The following STK39 variants were observed in gnomAD, a reference collection of about 807,000 sequenced individuals.
The protein encoded by STK39 is serine/threonine kinase 39.
A neutral mutation model predicts 77.8 loss-of-function variants in STK39; 20 were observed. The ratio of observed to expected loss-of-function variants is 0.26; its 90% CI spans 0.18 to 0.37. The LOEUF (loss-of-function observed/expected upper bound fraction) is 0.37. STK39 is among the 10% of genes least tolerant of loss of function. The probability of loss-of-function intolerance (pLI) is 1.00; values close to 1 mark genes in which losing one functional copy is unlikely to be tolerated. For synonymous variants in STK39, 246 were observed against 234.1 expected, an observed-to-expected ratio of 1.05 and a Z score of -0.47; for missense variants, 479 against 656.5, an observed-to-expected ratio of 0.73 and a Z score of 2.95.
chr2:168,070,676 A>G (rs1262157797), intron 12 of STK39, among the ~76,000 whole-genome samples: 2 of 145,000 alleles, frequency 1.4e-5, no homozygotes, highest in South Asian at 2.2e-4. Context: ...ATTCCCACCT[A>G]TAAGTGAGAA....
At chr2:168,049,905 G>C (rs1345207286) in intron 14 of STK39, among the ~76,000 whole-genome samples, 1 of 152,136 alleles carries the variant, frequency 6.6e-6, no homozygotes, top group Non-Finnish European at 1.5e-5. Flanking sequence ...GAGAGAACTG[G>C]GTGTCCGATT....
intron 1 of STK39, among the ~76,000 whole-genome samples, chr2:168,224,067 GA>G (rs896593839): frequency 1.4e-4 from 21 of 150,952 alleles, no homozygotes; most frequent in South Asian, 4.2e-4. Flanking sequence ...TAAACATAAA[GA>G]AAAAAAGATT....
chr2:167,991,549 C>T (rs557538885), intron 16 of STK39, among the ~76,000 whole-genome samples: 25 of 152,302 alleles, frequency 1.6e-4, no homozygotes, highest in Admixed American at 1.4e-3. Context: ...TGTGATGTTA[C>T]TGCTGTTTTA....
intron 16 of STK39, among the ~76,000 whole-genome samples, chr2:168,009,058 G>A (rs1352217094): frequency 6.6e-6 from 1 of 152,156 alleles, no homozygotes; most frequent in African/African-American, 2.4e-5. Context: ...GAGTGGAGTA[G>A]GAAGGTCAAA....
At chr2:168,128,051 T>G (rs1030402948) in intron 10 of STK39, among the ~76,000 whole-genome samples, 1 of 152,056 alleles carries the variant, frequency 6.6e-6, no homozygotes, top group African/African-American at 2.4e-5. Flanking sequence ...ATAGCGAGGC[T>G]GGCAGGCCAC....
At chr2:168,242,042 G>C (rs1478653278) in intron 1 of STK39, among the ~76,000 whole-genome samples, 1 of 152,026 alleles carries the variant, frequency 6.6e-6, no homozygotes, top group Non-Finnish European at 1.5e-5. Context: ...TAAAAGTCAG[G>C]GAAGAATTCA....
chr2:168,075,289 G>A, intron 10 of STK39, 58 bp from the exon 11 acceptor site: 1 of 1,605,736 alleles, frequency 6.2e-7, no homozygotes. Flanking sequence ...CATTTCACTG[G>A]TGCTGCAACT....
At chr2:168,174,354 G>A (rs749168058) in intron 2 of STK39, among the ~76,000 whole-genome samples, 34 of 152,214 alleles carry the variant, frequency 2.2e-4, no homozygotes, top group Admixed American at 9.8e-4. Context: ...TACTTGCTTC[G>A]TTATAATGTC....
chr2:168,158,855 T>C (rs2105577670), intron 5 of STK39, among the ~76,000 whole-genome samples: 1 of 152,346 alleles, frequency 6.6e-6, no homozygotes, highest in East Asian at 1.9e-4. Flanking sequence ...CCTGATTTTA[T>C]ACCCACGTTC....
At chr2:167,971,913 G>A (rs1692356842) in intron 16 of STK39, among the ~76,000 whole-genome samples, 1 of 152,248 alleles carries the variant, frequency 6.6e-6, no homozygotes, top group African/African-American at 2.4e-5. Context: ...GTTCAATGCT[G>A]AGTGGCTGAT....
intron 1 of STK39, among the ~76,000 whole-genome samples, chr2:168,243,256 G>A (rs1690816698): frequency 1.3e-5 from 2 of 152,170 alleles, no homozygotes; most frequent in South Asian, 4.1e-4. Flanking sequence ...GAGCAAAGTG[G>A]GAATGCCCAG....
At chr2:168,024,966 C>G (rs186541141) in intron 14 of STK39, among the ~76,000 whole-genome samples, 5 of 152,324 alleles carry the variant, frequency 3.3e-5, no homozygotes, top group Non-Finnish European at 7.3e-5. Context: ...CTACTGGGTA[C>G]ACAGATAGTA....
chr2:167,987,026 C>A (rs1683578044), intron 16 of STK39, among the ~76,000 whole-genome samples: 1 of 152,136 alleles, frequency 6.6e-6, no homozygotes, highest in South Asian at 2.1e-4. Flanking sequence ...TCCAAGAGAA[C>A]AAGTTAGCAC....
intron 10 of STK39, 35 bp from the exon 11 acceptor site, chr2:168,075,266 G>A (rs201007608): frequency 6.2e-7 from 1 of 1,611,328 alleles, no homozygotes; most frequent in Non-Finnish European, 8.5e-7. Flanking sequence ...TTCTTCACTA[G>A]TCAAATGTGA....
intron 1 of STK39, among the ~76,000 whole-genome samples, chr2:168,194,560 T>C (rs1054959073): frequency 6.6e-6 from 1 of 152,186 alleles, no homozygotes; most frequent in African/African-American, 2.4e-5. Context: ...ATGAAGACAA[T>C]GCCTGCCTTA....
At chr2:168,105,039 A>G (rs1379317852) in intron 10 of STK39, among the ~76,000 whole-genome samples, 1 of 152,246 alleles carries the variant, frequency 6.6e-6, no homozygotes, top group African/African-American at 2.4e-5. Context: ...ACTGCACAGT[A>G]CATTACCTTT....
At chr2:168,191,167 G>A (rs2105651545) in intron 1 of STK39, among the ~76,000 whole-genome samples, 1 of 152,254 alleles carries the variant, frequency 6.6e-6, no homozygotes, top group East Asian at 1.9e-4. Flanking sequence ...AGGCACGTTG[G>A]CTTTGCATAA....
chr2:168,089,092 C>T (rs1488214963), intron 10 of STK39, among the ~76,000 whole-genome samples: 1 of 152,160 alleles, frequency 6.6e-6, no homozygotes, highest in Non-Finnish European at 1.5e-5. Flanking sequence ...AAGGGTACCT[C>T]CCTGGGTGAG....
At chr2:168,062,694 C>T (rs80322222) in intron 14 of STK39, among the ~76,000 whole-genome samples, 1 of 152,254 alleles carries the variant, frequency 6.6e-6, no homozygotes, top group East Asian at 1.9e-4. Flanking sequence ...GCTGATGAAC[C>T]CGCTTTTTGT....
Sources: gnomAD v4.1 joint callset for allele counts (sites outside exome capture counted in the v4.1 genomes callset) on GRCh38, gnomAD v4.1.1 for gene constraint, MANE v1.5 for transcripts, NCBI Gene and HGNC (gene_info 2026-07-23, HGNC 2026-07-21) for gene names.